Variants in TTLL5 observed in about 807,000 individuals in gnomAD.
TTLL5 encodes the protein tubulin tyrosine ligase like 5.
In TTLL5, 132 loss-of-function variants were observed where a neutral mutation model predicts 168.4. That is an observed-to-expected ratio of 0.78 (90% CI 0.68 to 0.91). The LOEUF (loss-of-function observed/expected upper bound fraction) is 0.91, where lower values mean the gene tolerates loss of function less well. TTLL5 is among the 40% of genes least tolerant of loss of function. TTLL5 has a pLI of 0.00. For synonymous variants in TTLL5, 546 were observed against 558.6 expected, an observed-to-expected ratio of 0.98 and a Z score of 0.32; for missense variants, 1,545 against 1,581.5, an observed-to-expected ratio of 0.98 and a Z score of 0.39.
At chr14:75,830,727 T>C (rs1895513700) in intron 28 of TTLL5, among the ~76,000 whole-genome samples, 1 of 152,236 alleles carries the variant, frequency 6.6e-6, no homozygotes, top group South Asian at 2.1e-4. Flanking sequence ...CACTTAAGTG[T>C]ATGTTGTCTT....
chr14:75,742,715 C>CAG (rs1364607869), intron 15 of TTLL5, among the ~76,000 whole-genome samples: 5 of 152,158 alleles, frequency 3.3e-5, no homozygotes, highest in Non-Finnish European at 7.4e-5. Context: ...GCTTTATGAT[C>CAG]AGAGACATGC....
chr14:75,745,017 A>AG (rs1338582140), intron 15 of TTLL5, 78 bp from the exon 16 acceptor site: 1 of 1,108,350 alleles, frequency 9.0e-7, no homozygotes, highest in Non-Finnish European at 1.3e-6. Context: ...AATGATGTTG[A>AG]GGGAATGAAC....
intron 31 of TTLL5, among the ~76,000 whole-genome samples, chr14:75,932,875 GTGT>G (rs1448433824): frequency 1.3e-5 from 2 of 152,164 alleles, no homozygotes; most frequent in African/African-American, 4.8e-5. Context: ...AGCGTTGTTG[GTGT>G]TGTTTTTTGT....
At chr14:75,790,701 G>C (rs1391281545) in intron 26 of TTLL5, among the ~76,000 whole-genome samples, 2 of 151,730 alleles carry the variant, frequency 1.3e-5, no homozygotes, top group African/African-American at 4.8e-5. Context: ...CTGTGCTAAA[G>C]TGGCCCTCCT....
chr14:75,740,141 T>G (rs1247334011), intron 15 of TTLL5, among the ~76,000 whole-genome samples: 1 of 152,196 alleles, frequency 6.6e-6, no homozygotes, highest in African/African-American at 2.4e-5. Context: ...AATAAAAATT[T>G]TGTGAAATTT....
intron 30 of TTLL5, among the ~76,000 whole-genome samples, chr14:75,895,859 G>T (rs1209298818): frequency 6.6e-6 from 1 of 152,154 alleles, no homozygotes; most frequent in East Asian, 1.9e-4. Flanking sequence ...AGAGAACAGT[G>T]CTTCCAACTG....
chr14:75,723,443 G>A (rs1053767792), intron 12 of TTLL5, among the ~76,000 whole-genome samples: 4 of 152,130 alleles, frequency 2.6e-5, no homozygotes, highest in Non-Finnish European at 5.9e-5. Flanking sequence ...TTGGGACTAG[G>A]AGCGTAACTC....
At chr14:75,782,608 C>T (rs1201088277) in intron 25 of TTLL5, 35 bp downstream of exon 25, 28 of 1,549,206 alleles carry the variant, frequency 1.8e-5, no homozygotes, top group Non-Finnish European at 2.4e-5. Context: ...ATTTGCTGCT[C>T]TCTGATAATT....
At chr14:75,889,838 A>T (rs1360788688) in intron 30 of TTLL5, among the ~76,000 whole-genome samples, 1 of 103,988 alleles carries the variant, frequency 9.6e-6, no homozygotes, top group East Asian at 2.8e-4. Flanking sequence ...AAAAAAAAAA[A>T]AAAAAAGAGG....
intron 28 of TTLL5, chr14:75,838,143 C>T (rs781689300): frequency 6.6e-6 from 1 of 152,122 alleles, no homozygotes; most frequent in African/African-American, 2.4e-5. Flanking sequence ...GAGTTGGAGC[C>T]TGCATCCTTT....
At chr14:75,941,795 AC>A (rs2034613211) in intron 31 of TTLL5, among the ~76,000 whole-genome samples, 1 of 145,942 alleles carries the variant, frequency 6.9e-6, no homozygotes, top group African/African-American at 2.6e-5. Context: ...GTATCACCAC[AC>A]CTGCCTGGCT....
At chr14:75,902,298 T>C (rs548312992) in intron 31 of TTLL5, 74 bp downstream of exon 31, 2 of 1,460,320 alleles carry the variant, frequency 1.4e-6, no homozygotes, top group Admixed American at 3.5e-5. Context: ...TTCTCTCTTC[T>C]GCCTCCAAAG....
At chr14:75,715,663 T>C (rs1474673922) in intron 9 of TTLL5, among the ~76,000 whole-genome samples, 1 of 152,154 alleles carries the variant, frequency 6.6e-6, no homozygotes, top group South Asian at 2.1e-4. Flanking sequence ...TCCTTTAAGC[T>C]TTTTTGTTTC....
At chr14:75,666,308 G>A (rs947074892) in intron 2 of TTLL5, among the ~76,000 whole-genome samples, 6 of 152,166 alleles carry the variant, frequency 3.9e-5, no homozygotes, top group Non-Finnish European at 4.4e-5. Context: ...CCTTGCAATC[G>A]TGGACTTCAG....
chr14:75,690,444 C>G (rs1381420571), intron 6 of TTLL5, 122 bp downstream of exon 6: 2 of 1,253,128 alleles, frequency 1.6e-6, no homozygotes, highest in Non-Finnish European at 1.1e-6. Flanking sequence ...AACTGTGACT[C>G]TTTAGTAAAA....
At chr14:75,703,035 G>A (rs1390235291) in intron 7 of TTLL5, among the ~76,000 whole-genome samples, 1 of 152,126 alleles carries the variant, frequency 6.6e-6, no homozygotes, top group Non-Finnish European at 1.5e-5. Flanking sequence ...TCTTTTCCAT[G>A]CCTGGATCCT....
rs149797627 is a variant in TTLL5, at chr14:75,934,639, G to A, written c.3824-19785G>A. ...GCATACCAAGAGGAGGTGGGGGGAA[G>A]GAAGGAGGGATAAAGTTTATCATTA... is the stretch of plus-strand genomic sequence containing the variant. On this transcript the variant is annotated intron_variant, in intron 31 of 31. Coordinates refer to ENST00000298832, the MANE Select transcript of TTLL5 (RefSeq NM_015072.5). 5.6e-3 allele frequency among the ~76,000 whole-genome samples: 845 copies of A among 152,248 alleles called. 14 individuals are homozygous for A. The highest frequency in any genetic ancestry group is 0.026 in the South Asian group (126 of 4,812).
intron 27 of TTLL5, among the ~76,000 whole-genome samples, chr14:75,808,351 C>T (rs2140384029): frequency 6.6e-6 from 1 of 152,290 alleles, no homozygotes; most frequent in Middle Eastern, 3.4e-3. Context: ...ATATAATTAA[C>T]ATTTAACCCT....
At chr14:75,815,159 A>G (rs977688468) in intron 27 of TTLL5, among the ~76,000 whole-genome samples, 3 of 152,208 alleles carry the variant, frequency 2.0e-5, no homozygotes, top group Non-Finnish European at 4.4e-5. Flanking sequence ...TAGCTCTGGC[A>G]TATGTGCTGA....
Sources: gnomAD v4.1 joint callset for allele counts (sites outside exome capture counted in the v4.1 genomes callset) on GRCh38, gnomAD v4.1.1 for gene constraint, MANE v1.5 for transcripts, NCBI Gene and HGNC (gene_info 2026-07-23, HGNC 2026-07-21) for gene names.